The following CSMD1 variants were observed in gnomAD, a reference collection of about 807,000 sequenced individuals.
The protein encoded by CSMD1 is CUB and Sushi multiple domains 1.
Under a neutral mutation model 417.5 loss-of-function variants are expected in CSMD1, and 213 were observed. That is an observed-to-expected ratio of 0.51 (90% confidence interval 0.46 to 0.57). CSMD1 has a LOEUF of 0.57. Ranked by LOEUF, CSMD1 falls within the 20% of genes least tolerant of loss-of-function variation. CSMD1 has a pLI of 0.00. For missense variants in CSMD1, 6,923 were observed against 4,529.7 expected, an observed-to-expected ratio of 1.53 and a Z score of -15.17; for synonymous variants, 2,862 against 1,736.8, an observed-to-expected ratio of 1.65 and a Z score of -16.11.
intron 3 of CSMD1, among the ~76,000 whole-genome samples, chr8:4,203,087 G>C (rs1247618985): frequency 6.6e-6 from 1 of 152,318 alleles, no homozygotes. Context: ...GAGATGACTT[G>C]CAGTTATCTG....
intron 5 of CSMD1, among the ~76,000 whole-genome samples, chr8:3,762,701 C>G (rs574763489): frequency 2.0e-5 from 3 of 152,184 alleles, no homozygotes; most frequent in Admixed American, 6.5e-5. Flanking sequence ...AGAGCCAAAG[C>G]TGTCCGTCTG....
chr8:4,636,506 C>A (rs1273845412), intron 2 of CSMD1, among the ~76,000 whole-genome samples: 2 of 152,160 alleles, frequency 1.3e-5, no homozygotes, highest in South Asian at 2.1e-4. Flanking sequence ...AATATATTCT[C>A]TGACAACATA....
rs183826851 is a variant in CSMD1 at position 4,834,338 on chromosome 8, T to C, written c.85+159994A>G. Reference sequence around the variant, plus strand: ...AGAAAAACAGGTAAGATTTACTTGATGGCAAGAACGCATCATCTGTAGGAA... The same window carrying C: ...AGAAAAACAGGTAAGATTTACTTGACGGCAAGAACGCATCATCTGTAGGAA... On this transcript the variant is annotated intron_variant, in intron 1 of 69. Transcript: ENST00000635120. Among the ~76,000 whole-genome samples the C allele has an allele frequency of 3.3e-5, 5 of 152,296 alleles. No homozygotes were observed. In the East Asian group the frequency reaches 7.7e-4, roughly 24 times the overall value.
chr8:3,284,026 T>C, intron 26 of CSMD1, 118 bp downstream of exon 26: 1 of 889,934 alleles, frequency 1.1e-6, no homozygotes, highest in Non-Finnish European at 1.8e-6. Context: ...AACTTCAAAT[T>C]AGGCTCAATA....
At chr8:3,393,901 A>G (rs1180461203) in intron 17 of CSMD1, among the ~76,000 whole-genome samples, 5 of 150,218 alleles carry the variant, frequency 3.3e-5, no homozygotes, top group African/African-American at 1.2e-4. Flanking sequence ...TGACGAGTTA[A>G]TGGGTGCAGC....
chr8:4,330,217 A>G (rs1296441949), intron 3 of CSMD1, among the ~76,000 whole-genome samples: 1 of 152,016 alleles, frequency 6.6e-6, no homozygotes, highest in Non-Finnish European at 1.5e-5. Context: ...AACACCCGTC[A>G]GATCCACCTG....
chr8:3,489,382 A>T (rs1248651324), intron 11 of CSMD1, among the ~76,000 whole-genome samples: 14 of 152,176 alleles, frequency 9.2e-5, no homozygotes, highest in Admixed American at 9.2e-4. Context: ...TAAAACTGTA[A>T]CCTGTGCCTG....
In CSMD1 at chr8:3,329,896, G is replaced by A. The variant is rs143688684; in HGVS notation, c.3631+13398C>T. Among the ~76,000 whole-genome samples the A allele has an allele frequency of 2.1e-3, 316 of 152,286 alleles. 3 individuals are homozygous for A. Among genetic ancestry groups the A allele is most frequent in the African/African-American group, 7.3e-3 (304 of 41,570 alleles). ...CTTTAGAGGCTCATGGAAATGCTTT[G>A]ATTTCCTTAAATCAGAAGAAAAAAG... On this transcript the variant is annotated intron_variant, in intron 23 of 69. Transcript: ENST00000635120.
chr8:4,821,423 T>C (rs926117596), intron 1 of CSMD1, among the ~76,000 whole-genome samples: 1 of 152,128 alleles, frequency 6.6e-6, no homozygotes, highest in South Asian at 2.1e-4. Context: ...AGTGTTTTGA[T>C]AGAAAATTAA....
intron 3 of CSMD1, among the ~76,000 whole-genome samples, chr8:4,368,466 C>T (rs1349762665): frequency 6.6e-6 from 1 of 152,138 alleles, no homozygotes; most frequent in African/African-American, 2.4e-5. Flanking sequence ...GTTTTAATAT[C>T]AGAATGATGC....
chr8:4,093,916 C>G (rs150013312), intron 3 of CSMD1, among the ~76,000 whole-genome samples: 75 of 151,908 alleles, frequency 4.9e-4, no homozygotes, highest in Non-Finnish European at 1.0e-3. Flanking sequence ...GCCCAGATTG[C>G]GCCATTACGC....
At chr8:3,262,180 T>C (rs556301280) in intron 26 of CSMD1, among the ~76,000 whole-genome samples, 2 of 94,326 alleles carry the variant, frequency 2.1e-5, no homozygotes, top group Non-Finnish European at 4.1e-5. Flanking sequence ...ATTATGCTCA[T>C]ATGAATATAT....
At chr8:3,904,776 A>G (rs1028451457) in intron 5 of CSMD1, among the ~76,000 whole-genome samples, 1 of 151,830 alleles carries the variant, frequency 6.6e-6, no homozygotes, top group African/African-American at 2.4e-5. Context: ...AGCTGAGATT[A>G]CAGGTGTGCA....
chr8:3,405,690 G>T (rs1379443510), intron 15 of CSMD1, among the ~76,000 whole-genome samples: 1 of 152,158 alleles, frequency 6.6e-6, no homozygotes, highest in Non-Finnish European at 1.5e-5. Flanking sequence ...CACACACAGG[G>T]AGAGCTCCTT....
chr8:4,331,369 G>A (rs1875897), intron 3 of CSMD1, among the ~76,000 whole-genome samples: 40,455 of 152,002 alleles, frequency 0.27, 5,774 homozygotes, highest in South Asian at 0.41. Flanking sequence ...TTCCTGTCAC[G>A]TGTGTTTGTT....
intron 3 of CSMD1, among the ~76,000 whole-genome samples, chr8:4,199,403 A>C (rs1799522353): frequency 1.3e-5 from 2 of 152,166 alleles, no homozygotes; most frequent in Admixed American, 1.3e-4. Flanking sequence ...AAAAGAATGG[A>C]TTTGGTGCTG....
In CSMD1 at chr8:3,661,876, C is replaced by G. The variant is rs76145982; in HGVS notation, c.1010-45079G>C. Reference sequence around the variant, plus strand: ...TTTAGATCGGTGTTGAAGGACGACACATAGGATTTGTACAGGAAGATGGAA... The same window carrying G: ...TTTAGATCGGTGTTGAAGGACGACAGATAGGATTTGTACAGGAAGATGGAA... On this transcript the variant is annotated intron_variant, in intron 7 of 69. Coordinates refer to ENST00000635120, the MANE Select transcript of CSMD1 (RefSeq NM_033225.6). 3.2e-3 allele frequency among the ~76,000 whole-genome samples: 482 copies of G among 152,160 alleles called. 4 individuals are homozygous for G. The highest frequency in any genetic ancestry group is 0.011 in the African/African-American group (465 of 41,520).
Position 3,142,596 on chromosome 8 carries a change from G to A in CSMD1, c.6110C>T (p.Thr2037Ile). 6.2e-7 allele frequency: 1 copy of A among 1,613,952 alleles called. No individual in the cohort carries two copies. The highest frequency in any genetic ancestry group is 8.5e-7 in the Non-Finnish European group (1 of 1,179,836). The change falls in exon 41 of 70, where the codon ACC becomes ATC. Residue 2037 changes from threonine to isoleucine, a missense_variant. Coordinates refer to ENST00000635120, the MANE Select transcript of CSMD1 (RefSeq NM_033225.6). Reference protein sequence around the residue: ...FLEIQNGPYHTSPMIGQFSGT... With the variant: ...FLEIQNGPYHISPMIGQFSGT... ...GCTAAATTGTCCAATCATGGGGCTG[G>A]TGTGGTAAGGTCCATTTTGAATTTC... is the stretch of plus-strand genomic sequence containing the variant.
At chr8:4,451,768 C>T (rs1223998057) in intron 2 of CSMD1, among the ~76,000 whole-genome samples, 2 of 151,906 alleles carry the variant, frequency 1.3e-5, no homozygotes, top group Non-Finnish European at 2.9e-5. Flanking sequence ...ATAGAACCAT[C>T]AGTAGTATTT....
Sources: gnomAD v4.1 joint callset for allele counts (sites outside exome capture counted in the v4.1 genomes callset) on GRCh38, gnomAD v4.1.1 for gene constraint, MANE v1.5 for transcripts, NCBI Gene and HGNC (gene_info 2026-07-23, HGNC 2026-07-21) for gene names.